The following CYRIA variants were observed in gnomAD, a reference collection of about 807,000 sequenced individuals.
The protein encoded by CYRIA is CYFIP related Rac1 interactor A, also known as CYFIP-related Rac1 interactor A.
CYRIA carries 15 observed loss-of-function variants against 43.9 expected under a neutral mutation model. The ratio of observed to expected loss-of-function variants is 0.34; its 90% CI spans 0.23 to 0.53. The LOEUF (loss-of-function observed/expected upper bound fraction) is 0.53, where lower values mean the gene tolerates loss of function less well. Among genes scored for constraint, CYRIA ranks in the 20% least tolerant of loss-of-function variants. The pLI is 0.94. For synonymous variants in CYRIA, 117 were observed against 136.0 expected (o/e 0.86, Z 0.97); for missense variants, 236 against 394.2 (o/e 0.60, Z 3.40).
chr2:16,639,896 T>C (rs1439445652), intron 1 of CYRIA, among the ~76,000 whole-genome samples: 4 of 152,238 alleles, frequency 2.6e-5, no homozygotes, highest in Non-Finnish European at 4.4e-5. Flanking sequence ...TTCTTTGCCT[T>C]TTGAGTAAAG....
intron 9 of CYRIA, among the ~76,000 whole-genome samples, chr2:16,560,242 C>T (rs1666677806): frequency 6.6e-6 from 1 of 152,046 alleles, no homozygotes; most frequent in African/African-American, 2.4e-5. Context: ...ACTATTTCTG[C>T]CTTGGAATAA....
In CYRIA at chr2:16,650,555, G is replaced by A. The variant is rs1404388883; in HGVS notation, c.-167+15225C>T. Among the ~76,000 whole-genome samples the A allele has an allele frequency of 6.6e-6, 1 of 152,200 alleles. No homozygotes were observed. Among genetic ancestry groups the A allele is most frequent in the Non-Finnish European group, 1.5e-5 (1 of 68,042 alleles). On this transcript the variant is annotated intron_variant, in intron 1 of 11. Coordinates refer to ENST00000381323, the MANE Select transcript of CYRIA (RefSeq NM_030797.4). This position sits in a 1 kb window ranked among gnomAD's most constrained non-coding sequence, Gnocchi z 4.1. Reference sequence around the variant, plus strand: ...CAGAACCTTCTCCGTTAAGCTTCATGGGCTGGCAGCCCCAGCTCTCACACT... The same window carrying A: ...CAGAACCTTCTCCGTTAAGCTTCATAGGCTGGCAGCCCCAGCTCTCACACT...
At chr2:16,565,865 T>C (rs899875683) in intron 3 of CYRIA, 98 bp from the exon 4 acceptor site, 1 of 1,178,816 alleles carries the variant, frequency 8.5e-7, no homozygotes, top group African/African-American at 1.5e-5. Context: ...AATCCTATCA[T>C]ATTCCTGCTG....
rs751752714 is a variant in CYRIA at position 16,590,992 on chromosome 2, T to G, written c.-10-2863A>C. On this transcript the variant is annotated intron_variant, in intron 2 of 11. Transcript: ENST00000381323. ...TAGTAGACTCCACAGTTATTTTTAA[T>G]TGGACCCAGAGTTTCACTTGGAAAG... Among the ~76,000 whole-genome samples, 69 of 152,142 alleles carry G rather than the reference T, an allele frequency of 4.5e-4. 1 individual carries two copies. Among genetic ancestry groups the G allele is most frequent in the Non-Finnish European group, 1.3e-4 (9 of 68,016 alleles).
intron 1 of CYRIA, among the ~76,000 whole-genome samples, chr2:16,658,871 T>G (rs1243983906): frequency 6.6e-6 from 1 of 152,208 alleles, no homozygotes; most frequent in Non-Finnish European, 1.5e-5. Context: ...AACATAGTTA[T>G]CTTGTGTTCC....
intron 3 of CYRIA, among the ~76,000 whole-genome samples, chr2:16,578,025 T>C (rs1190363559): frequency 6.6e-6 from 1 of 152,180 alleles, no homozygotes; most frequent in Non-Finnish European, 1.5e-5. Context: ...ACTGTCTGCC[T>C]GGTGAGGCCA....
In CYRIA at chr2:16,553,030, G is replaced by A. The variant is rs780019685; in HGVS notation, c.909-31C>T. 1.8e-5 allele frequency: 24 copies of A among 1,343,890 alleles called. No individual in the cohort carries two copies. The East Asian group carries it at 1.8e-4, about 10-fold the overall frequency. The allele number at this position is 1,343,890 out of a possible 1,614,324, so 83.2% of individuals were successfully genotyped here. On this transcript the variant is annotated intron_variant, in intron 11 of 11. Transcript: ENST00000381323. ...TGGAGAGAGAATGGTAGAGGTTAGC[G>A]GCAAACAGTGCTCTGTGTAAGCTTC...
chr2:16,619,911 C>A (rs1668940536), intron 2 of CYRIA, among the ~76,000 whole-genome samples: 1 of 152,198 alleles, frequency 6.6e-6, no homozygotes, highest in East Asian at 1.9e-4. Flanking sequence ...CCTTCAATGC[C>A]CAAATCATAT....
intron 1 of CYRIA, chr2:16,625,867 G>C (rs939649057): frequency 3.4e-5 from 5 of 149,148 alleles, no homozygotes; most frequent in African/African-American, 1.2e-4. Context: ...CCTCAGAATT[G>C]AACCCATTTT....
chr2:16,575,467 G>C (rs1467847789), intron 3 of CYRIA, among the ~76,000 whole-genome samples: 1 of 152,108 alleles, frequency 6.6e-6, no homozygotes, highest in South Asian at 2.1e-4. Flanking sequence ...TTGTGGGAGG[G>C]ACCTAGCGGG....
chr2:16,601,725 A>AAAAG (rs747824132), intron 2 of CYRIA, among the ~76,000 whole-genome samples: 25 of 151,174 alleles, frequency 1.7e-4, no homozygotes, highest in African/African-American at 3.4e-4. Context: ...AAAAAAAAAA[A>AAAAG]AGAGAGAATT....
intron 2 of CYRIA, among the ~76,000 whole-genome samples, chr2:16,590,068 G>A (rs1214335858): frequency 2.0e-5 from 3 of 147,708 alleles, no homozygotes; most frequent in Admixed American, 6.7e-5. Context: ...GGGCATGCAT[G>A]CACACACACA....
intron 9 of CYRIA, among the ~76,000 whole-genome samples, chr2:16,560,407 C>T (rs750426945): frequency 1.3e-5 from 2 of 152,042 alleles, no homozygotes; most frequent in African/African-American, 2.4e-5. Context: ...ATGAGGAACC[C>T]GAGGCTCAGG....
rs542822273 is a variant in CYRIA, at chr2:16,654,881, G to T, written c.-167+10899C>A. Among the ~76,000 whole-genome samples, 28 of 152,226 alleles carry T rather than the reference G, an allele frequency of 1.8e-4. No individual in the cohort carries two copies. The South Asian group carries it at 5.6e-3, about 30-fold the overall frequency. On this transcript the variant is annotated intron_variant, in intron 1 of 11. Coordinates refer to ENST00000381323, the MANE Select transcript of CYRIA (RefSeq NM_030797.4). Reference sequence around the variant, plus strand: ...GGACTGGGCAAGCTATAAGTCACTGGTTAGAAAAAAATAACTCACATTCAT... The same window carrying T: ...GGACTGGGCAAGCTATAAGTCACTGTTTAGAAAAAAATAACTCACATTCAT...
intron 2 of CYRIA, among the ~76,000 whole-genome samples, chr2:16,615,904 A>G (rs1183248544): frequency 6.6e-6 from 1 of 152,244 alleles, no homozygotes; most frequent in African/African-American, 2.4e-5. Flanking sequence ...GACACAGGGC[A>G]GGCGCCCTCC....
At chr2:16,662,873 G>A (rs1670297036) in intron 1 of CYRIA, among the ~76,000 whole-genome samples, 1 of 152,168 alleles carries the variant, frequency 6.6e-6, no homozygotes, top group Non-Finnish European at 1.5e-5. Context: ...CTGTCTAACT[G>A]TATTATAAGG....
chr2:16,636,848 C>T (rs113078592), intron 1 of CYRIA, among the ~76,000 whole-genome samples: 2,545 of 152,108 alleles, frequency 0.017, 76 homozygotes, highest in African/African-American at 0.058. Context: ...TGGTGGCATG[C>T]GCCTGTAGTT....
intron 10 of CYRIA, among the ~76,000 whole-genome samples, chr2:16,555,485 G>A (rs1666473399): frequency 6.6e-6 from 1 of 152,078 alleles, no homozygotes; most frequent in South Asian, 2.1e-4. Flanking sequence ...CCATGTCTAT[G>A]TCTATGTTGG....
intron 3 of CYRIA, among the ~76,000 whole-genome samples, chr2:16,573,540 G>A (rs1667215465): frequency 6.6e-6 from 1 of 152,230 alleles, no homozygotes. Flanking sequence ...AAGCACCTAT[G>A]ATATGGTTTG....
Sources: allele counts gnomAD v4.1 joint callset (sites outside exome capture counted in the v4.1 genomes callset), GRCh38; gene constraint gnomAD v4.1.1; non-coding constraint Gnocchi (gnomAD v3.1); transcripts MANE v1.5; gene names NCBI Gene and HGNC (gene_info 2026-07-23, HGNC 2026-07-21).